Variants in ITPR2 observed in about 807,000 individuals in gnomAD.
ITPR2 encodes the protein inositol 1,4,5-trisphosphate receptor type 2, also known as inositol 1,4,5-trisphosphate-gated calcium channel ITPR2.
Under a neutral mutation model 317.1 loss-of-function variants are expected in ITPR2, and 207 were observed. The ratio of observed to expected loss-of-function variants is 0.65; its 90% CI spans 0.58 to 0.73. ITPR2 has a LOEUF of 0.73. Among genes scored for constraint, ITPR2 ranks in the 30% least tolerant of loss-of-function variants. The probability of loss-of-function intolerance (pLI) is 0.00; values close to 1 mark genes in which losing one functional copy is unlikely to be tolerated. For missense variants in ITPR2, 2,613 were observed against 3,284.0 expected (o/e 0.80, Z 4.99); for synonymous variants, 1,156 against 1,149.1 (o/e 1.01, Z -0.12).
At chr12:26,359,840 T>C (rs1335778777) in intron 55 of ITPR2, among the ~76,000 whole-genome samples, 1 of 152,082 alleles carries the variant, frequency 6.6e-6, no homozygotes, top group Non-Finnish European at 1.5e-5. Flanking sequence ...CCCATGTCAA[T>C]TGCAATTTGG....
intron 13 of ITPR2, among the ~76,000 whole-genome samples, chr12:26,674,571 T>C (rs1162672650): frequency 1.3e-5 from 2 of 152,210 alleles, no homozygotes; most frequent in African/African-American, 2.4e-5. Context: ...ACATAAACGT[T>C]AGACCTAAAA....
Position 26,481,260 on chromosome 12 carries a change from G to A in ITPR2, c.6013-19C>T. ...TACAGGTCTAGAAAACAAAATATTT[G>A]TAAAATATCATTTTATTCACAACAG... On this transcript the variant is annotated intron_variant, in intron 42 of 56. Transcript: ENST00000381340. The A allele has an allele frequency of 7.4e-7, 1 of 1,346,262 alleles. No individual in the cohort carries two copies. The highest frequency in any genetic ancestry group is 1.2e-5 in the South Asian group (1 of 84,630). 83.4% of individuals were successfully genotyped at this position (1,346,262 alleles called of 1,614,324 possible).
intron 51 of ITPR2, 142 bp from the exon 52 acceptor site, chr12:26,411,554 G>T: frequency 3.3e-6 from 2 of 610,404 alleles, no homozygotes; most frequent in Non-Finnish European, 2.8e-6. Flanking sequence ...AAGTTAGTAT[G>T]GAATTCTGAA....
At chr12:26,663,996 G>A in intron 14 of ITPR2, 150 bp from the exon 15 acceptor site, 2 of 683,206 alleles carry the variant, frequency 2.9e-6, no homozygotes, top group Non-Finnish European at 2.3e-6. Context: ...TACGTTACAG[G>A]ACCAACATAT....
chr12:26,410,223 C>G (rs1591998667), intron 52 of ITPR2, among the ~76,000 whole-genome samples: 1 of 152,258 alleles, frequency 6.6e-6, no homozygotes, highest in African/African-American at 2.4e-5. Flanking sequence ...CTATACGAGT[C>G]AAGAATGAGC....
chr12:26,588,045 T>C (rs1945582041), intron 32 of ITPR2, among the ~76,000 whole-genome samples: 1 of 152,164 alleles, frequency 6.6e-6, no homozygotes, highest in South Asian at 2.1e-4. Context: ...GAGTGAGTAA[T>C]AGAATTGCCA....
intron 55 of ITPR2, among the ~76,000 whole-genome samples, chr12:26,368,871 T>C (rs1385064566): frequency 2.6e-5 from 4 of 152,134 alleles, no homozygotes; most frequent in Non-Finnish European, 4.4e-5. Flanking sequence ...AAAACAAATA[T>C]GCAACATGAT....
rs573450418 is a variant in ITPR2 at position 26,692,116 on chromosome 12, C to T, written c.996+3490G>A. Among the ~76,000 whole-genome samples, 5 of 152,116 alleles carry T rather than the reference C, an allele frequency of 3.3e-5. No homozygotes were observed. In the South Asian group the frequency reaches 6.2e-4, roughly 19 times the overall value. On this transcript the variant is annotated intron_variant, in intron 10 of 56. Transcript: ENST00000381340. ...GAGGGTCTGTCAGAAGCTGGTACAC[C>T]GCCCCCCCGCCAAATTCTATGGACA...
intron 55 of ITPR2, among the ~76,000 whole-genome samples, chr12:26,347,323 T>C (rs2136552176): frequency 6.6e-6 from 1 of 152,336 alleles, no homozygotes; most frequent in Non-Finnish European, 1.5e-5. Flanking sequence ...ATTAGGTACA[T>C]ATTAAAAGTT....
At position 26,335,915 on chromosome 12, in the gene ITPR2, G is replaced by A. The variant is rs1277878294; in HGVS notation, c.*3482C>T. ...CACAGCATATTGGAATGGGTCTGTA[G>A]GTAGGAATAGCTGATTTGTTATTCA... On this transcript the variant is annotated 3_prime_UTR_variant, in exon 57 of 57. Transcript: ENST00000381340. 2 of 152,292 alleles carry A rather than the reference G, an allele frequency of 1.3e-5. No homozygotes were observed. Among genetic ancestry groups the A allele is most frequent in the Middle Eastern group, 3.4e-3 (1 of 294 alleles). The allele number at this position is 152,292 out of a possible 1,614,324, so 9.4% of individuals were successfully genotyped here. A position where few individuals can be genotyped will look rare whatever the true frequency, so the allele number is the denominator to read the frequency against.
chr12:26,416,354 C>T (rs1940718471), intron 50 of ITPR2, among the ~76,000 whole-genome samples: 2 of 152,010 alleles, frequency 1.3e-5, no homozygotes. Context: ...TGGTTAAATG[C>T]AATAAAATCA....
At chr12:26,686,706 G>T in intron 10 of ITPR2, 74 bp from the exon 11 acceptor site, 1 of 1,243,770 alleles carries the variant, frequency 8.0e-7, no homozygotes, top group Non-Finnish European at 1.1e-6. Flanking sequence ...AGGTGATAAG[G>T]TTTAAATGTG....
intron 45 of ITPR2, among the ~76,000 whole-genome samples, chr12:26,466,360 T>C (rs1942171202): frequency 6.6e-6 from 1 of 152,250 alleles, no homozygotes; most frequent in Non-Finnish European, 1.5e-5. Context: ...GTATCAATTA[T>C]ACTCTTGGTT....
At chr12:26,345,403 TGAA>T (rs1313390462) in intron 55 of ITPR2, among the ~76,000 whole-genome samples, 1 of 152,162 alleles carries the variant, frequency 6.6e-6, no homozygotes, top group Non-Finnish European at 1.5e-5. Flanking sequence ...ATATCTATGA[TGAA>T]GGATAATTTA....
intron 49 of ITPR2, among the ~76,000 whole-genome samples, chr12:26,425,633 A>G (rs1333316868): frequency 1.3e-5 from 2 of 150,262 alleles, no homozygotes; most frequent in Non-Finnish European, 3.0e-5. Flanking sequence ...ACGCCACTGC[A>G]CTCCAGTGGG....
intron 2 of ITPR2, among the ~76,000 whole-genome samples, chr12:26,734,302 T>C (rs1332871859): frequency 1.3e-5 from 2 of 152,190 alleles, no homozygotes; most frequent in Non-Finnish European, 2.9e-5. Flanking sequence ...ACAAATACAT[T>C]GAGGTACATT....
At position 26,556,304 on chromosome 12, in the gene ITPR2, T is replaced by C; in HGVS notation, c.4893A>G (p.Val1631=). The C allele has an allele frequency of 1.2e-6, 2 of 1,614,080 alleles. No homozygotes were observed. Among genetic ancestry groups the C allele is most frequent in the Non-Finnish European group, 1.7e-6 (2 of 1,179,960 alleles). The change falls in exon 36 of 57, where the codon GTA becomes GTG. Residue 1631 remains valine (V), a synonymous_variant. Coordinates refer to ENST00000381340, the MANE Select transcript of ITPR2 (RefSeq NM_002223.4). ...MQAEFSVLVD[V]LYSPELLFPE... ...GGAACAGCAGTTCTGGACTGTACAA[T>C]ACATCAACCAACACTGAGAATTCAG...
intron 2 of ITPR2, among the ~76,000 whole-genome samples, chr12:26,730,188 T>C (rs562914073): frequency 5.1e-4 from 77 of 152,284 alleles, no homozygotes; most frequent in Non-Finnish European, 9.6e-4. Context: ...AAGAAGAGGA[T>C]TAGATCTTCA....
chr12:26,668,770 A>T (rs1472394615), intron 13 of ITPR2, among the ~76,000 whole-genome samples: 1 of 151,902 alleles, frequency 6.6e-6, no homozygotes, highest in Non-Finnish European at 1.5e-5. Flanking sequence ...AACGTATTTT[A>T]AAAAGGCCAA....
Sources: allele counts gnomAD v4.1 joint callset (sites outside exome capture counted in the v4.1 genomes callset), GRCh38; gene constraint gnomAD v4.1.1; transcripts MANE v1.5; gene names NCBI Gene and HGNC (gene_info 2026-07-23, HGNC 2026-07-21).